The following TNR variants were observed in gnomAD, a reference collection of about 807,000 sequenced individuals.
TNR encodes tenascin R, also known as tenascin-R.
Under a neutral mutation model 150.4 loss-of-function variants are expected in TNR, and 45 were observed. That is an observed-to-expected ratio of 0.30 (90% CI 0.24 to 0.38). TNR has a LOEUF of 0.38. Among genes scored for constraint, TNR ranks in the 10% least tolerant of loss-of-function variants. The pLI is 1.00. For missense variants in TNR, 1,544 were observed against 1,759.1 expected, an observed-to-expected ratio of 0.88 and a Z score of 2.19; for synonymous variants, 687 against 678.4, an observed-to-expected ratio of 1.01 and a Z score of -0.20.
chr1:175,657,360 G>A (rs536314147), intron 1 of TNR, among the ~76,000 whole-genome samples: 6 of 152,156 alleles, frequency 3.9e-5, no homozygotes, highest in Non-Finnish European at 5.9e-5. Context: ...AAGTCAGTGT[G>A]GCAATTCCTC....
chr1:175,709,790 T>A (rs1666949817), intron 1 of TNR, among the ~76,000 whole-genome samples: 1 of 151,946 alleles, frequency 6.6e-6, no homozygotes, highest in African/African-American at 2.4e-5. Context: ...CTGAGCACCC[T>A]ACTGCTTCAT....
intron 4 of TNR, among the ~76,000 whole-genome samples, chr1:175,399,295 G>T (rs1653587024): frequency 2.6e-5 from 4 of 152,152 alleles, no homozygotes; most frequent in Admixed American, 2.6e-4. Context: ...GCAATTCTTA[G>T]GGCATTTGGA....
intron 1 of TNR, among the ~76,000 whole-genome samples, chr1:175,680,701 G>T (rs1666008086): frequency 6.6e-6 from 1 of 152,174 alleles, no homozygotes; most frequent in Non-Finnish European, 1.5e-5. Context: ...TGGGGACAGG[G>T]CATGGGGGAC....
chr1:175,703,013 G>A (rs541367455), intron 1 of TNR, among the ~76,000 whole-genome samples: 11 of 150,694 alleles, frequency 7.3e-5, no homozygotes, highest in African/African-American at 2.0e-4. Context: ...ACCATATTTC[G>A]ACATTCCATG....
chr1:175,358,680 A>C (rs1651441844), intron 15 of TNR, among the ~76,000 whole-genome samples: 1 of 152,182 alleles, frequency 6.6e-6, no homozygotes, highest in South Asian at 2.1e-4. Flanking sequence ...TAACTTCCCT[A>C]AGCCTAGAGA....
At chr1:175,615,029 G>A (rs1663725720) in intron 1 of TNR, among the ~76,000 whole-genome samples, 1 of 152,234 alleles carries the variant, frequency 6.6e-6, no homozygotes, top group Non-Finnish European at 1.5e-5. Context: ...CCTGAGTGGG[G>A]CTGGTGAAAT....
intron 2 of TNR, among the ~76,000 whole-genome samples, chr1:175,527,485 A>G (rs915136441): frequency 3.3e-5 from 5 of 152,200 alleles, no homozygotes; most frequent in African/African-American, 1.2e-4. Context: ...TTTCACAACA[A>G]ACTTAAGCTG....
Position 175,393,886 on chromosome 1 carries a change from G to A in TNR, c.1250C>T (p.Thr417Ile). The A allele has an allele frequency of 1.9e-6, 3 of 1,613,544 alleles. No individual in the cohort carries two copies. The highest frequency in any genetic ancestry group is 2.5e-6 in the Non-Finnish European group (3 of 1,179,430). ...CGTCTTAAATTGTAGCCCTTGAGGA[G>A]TGGAGAGATCTGGAACACAGCAATG... ...ITAKVATHLSTPQGLQFKTIT... is the reference protein window; with the variant it reads ...ITAKVATHLSIPQGLQFKTIT... The change falls in exon 6 of 23, where the codon ACT (threonine) becomes ATT (isoleucine). Residue 417 changes from threonine to isoleucine, a missense_variant. By Grantham distance (89) the Thr-to-Ile change is moderately conservative (BLOSUM62 -1). Transcript: ENST00000367674.
At chr1:175,336,180 T>A (rs1420040190) in intron 19 of TNR, among the ~76,000 whole-genome samples, 1 of 152,244 alleles carries the variant, frequency 6.6e-6, no homozygotes, top group Admixed American at 6.5e-5. Flanking sequence ...GTAGAAAGCA[T>A]TTCTCACCAA....
intron 4 of TNR, among the ~76,000 whole-genome samples, chr1:175,400,543 C>T (rs765530150): frequency 1.2e-4 from 18 of 152,186 alleles, no homozygotes; most frequent in Non-Finnish European, 1.9e-4. Context: ...TAGATCAAGG[C>T]TAGGAGTCAA....
rs143480830 is a variant in TNR, at chr1:175,344,554, C to T, written c.3383-6875G>A. ...CCTGTGGGGGATCACATGTCCCTGT[C>T]CTATTGAATAGTACAAACAATTCTA... On this transcript the variant is annotated intron_variant, in intron 18 of 22. Transcript: ENST00000367674. Among the ~76,000 whole-genome samples the T allele has an allele frequency of 1.6e-3, 237 of 152,206 alleles. 1 individual carries two copies. Among genetic ancestry groups the T allele is most frequent in the Middle Eastern group, 3.4e-3 (1 of 294 alleles).
chr1:175,533,227 A>G (rs1308665448), intron 1 of TNR, among the ~76,000 whole-genome samples: 1 of 152,206 alleles, frequency 6.6e-6, no homozygotes, highest in Admixed American at 6.5e-5. Flanking sequence ...CTAAGCACTT[A>G]TTTTCTAATC....
rs115879076 is a variant in TNR, at chr1:175,344,061, G to A, written c.3383-6382C>T. On this transcript the variant is annotated intron_variant, in intron 18 of 22. Coordinates refer to ENST00000367674, the MANE Select transcript of TNR (RefSeq NM_003285.3). ...AGAAAGCACTCCACAAGGTGAGAGTGCACCTGGGCAAGTGGCTCAAGGGCC... is the reference window on the plus strand; with the variant it reads ...AGAAAGCACTCCACAAGGTGAGAGTACACCTGGGCAAGTGGCTCAAGGGCC... Among the ~76,000 whole-genome samples the A allele has an allele frequency of 7.7e-3, 1,171 of 152,326 alleles. 11 individuals carry two copies. Among genetic ancestry groups the A allele is most frequent in the South Asian group, 0.023 (110 of 4,824 alleles).
chr1:175,420,996 A>AT (rs138217314), intron 2 of TNR, among the ~76,000 whole-genome samples: 4 of 151,794 alleles, frequency 2.6e-5, no homozygotes, highest in Non-Finnish European at 4.4e-5. Flanking sequence ...CGCTCTCTGA[A>AT]TTTTTTTTTA....
chr1:175,644,424 T>C (rs1404393497), intron 1 of TNR, among the ~76,000 whole-genome samples: 2 of 152,122 alleles, frequency 1.3e-5, no homozygotes, highest in Non-Finnish European at 2.9e-5. Flanking sequence ...GCCACAGACG[T>C]GGTGGTATTG....
Position 175,405,617 on chromosome 1 carries a change from G to C in TNR, c.499+599C>G, listed in dbSNP as rs531762826. On this transcript the variant is annotated intron_variant, in intron 3 of 22. Transcript: ENST00000367674. Reference sequence around the variant, plus strand: ...TGAGAGAGAGAGTATGTGTGTGTGAGAGTGTGTGTGTGTGTGTGTGTGTGT... The same window carrying C: ...TGAGAGAGAGAGTATGTGTGTGTGACAGTGTGTGTGTGTGTGTGTGTGTGT... 8.6e-5 allele frequency among the ~76,000 whole-genome samples: 5 copies of C among 58,232 alleles called. No homozygotes were observed. In the Admixed American group the frequency reaches 1.0e-3, roughly 12 times the overall value. 38.2% of individuals were successfully genotyped at this position (58,232 alleles called of 152,430 possible).
intron 2 of TNR, among the ~76,000 whole-genome samples, chr1:175,422,831 G>A (rs1250651539): frequency 6.6e-6 from 1 of 152,214 alleles, no homozygotes; most frequent in Non-Finnish European, 1.5e-5. Flanking sequence ...GTCTCTCATA[G>A]GTGCACCTGC....
chr1:175,337,311 T>G (rs1368534603), intron 19 of TNR, among the ~76,000 whole-genome samples: 1 of 152,194 alleles, frequency 6.6e-6, no homozygotes, highest in East Asian at 1.9e-4. Flanking sequence ...CCTCCTTCTG[T>G]GAGGACAGAT....
chr1:175,409,191 G>T (rs1010093025), intron 2 of TNR, among the ~76,000 whole-genome samples: 1 of 152,164 alleles, frequency 6.6e-6, no homozygotes, highest in Non-Finnish European at 1.5e-5. Context: ...CACAGACGGG[G>T]TCTTGGCTAT....
Sources: allele counts gnomAD v4.1 joint callset (sites outside exome capture counted in the v4.1 genomes callset), GRCh38; gene constraint gnomAD v4.1.1; transcripts MANE v1.5; gene names NCBI Gene and HGNC (gene_info 2026-07-23, HGNC 2026-07-21).